Variants in STK38L observed in about 807,000 individuals in gnomAD.
The protein encoded by STK38L is serine/threonine-protein kinase 38-like.
Under a neutral mutation model 59.7 loss-of-function variants are expected in STK38L, and 28 were observed. The observed-to-expected ratio is 0.47, with a 90% confidence interval of 0.35 to 0.64. The LOEUF is 0.64. STK38L is among the 30% of genes least tolerant of loss of function. The pLI, the probability that STK38L is intolerant of heterozygous loss-of-function variation, is 0.01. For synonymous variants in STK38L, 162 were observed against 176.8 expected (o/e 0.92, Z 0.66); for missense variants, 314 against 555.8 (o/e 0.56, Z 4.37).
intron 1 of STK38L, among the ~76,000 whole-genome samples, chr12:27,287,964 C>A (rs1943811752): frequency 6.6e-6 from 1 of 152,196 alleles, no homozygotes; most frequent in South Asian, 2.1e-4. Context: ...CTCACTGCAA[C>A]CTCTGCCTCC....
At chr12:27,299,607 A>G (rs1421280205) in intron 2 of STK38L, among the ~76,000 whole-genome samples, 4 of 152,220 alleles carry the variant, frequency 2.6e-5, no homozygotes, top group Non-Finnish European at 5.9e-5. Context: ...AATATTTTCC[A>G]ACAGCAGAAT....
intron 3 of STK38L, among the ~76,000 whole-genome samples, chr12:27,305,915 T>C (rs1944299370): frequency 6.6e-6 from 1 of 152,234 alleles, no homozygotes; most frequent in African/African-American, 2.4e-5. Flanking sequence ...GGATACTGTT[T>C]GTCTTTCAAG....
chr12:27,290,182 T>G (rs1943865711), intron 1 of STK38L, among the ~76,000 whole-genome samples: 1 of 152,228 alleles, frequency 6.6e-6, no homozygotes, highest in Non-Finnish European at 1.5e-5. Flanking sequence ...TTATCTTAAG[T>G]CTTATATTAT....
intron 1 of STK38L, among the ~76,000 whole-genome samples, chr12:27,290,860 T>C (rs1943881341): frequency 1.3e-5 from 2 of 152,196 alleles, no homozygotes; most frequent in African/African-American, 4.8e-5. Context: ...GATTTTCATG[T>C]GAAACCTTCT....
At position 27,322,485 on chromosome 12, in the gene STK38L, G is replaced by T. The variant is rs1342237711; in HGVS notation, c.*30G>T. On this transcript the variant is annotated 3_prime_UTR_variant, in exon 14 of 14. Transcript: ENST00000389032. ...AGATAACATTCACCCATAACCAAGA[G>T]AACTCAGGTAGCTGCATCACCAGGC... The T allele has an allele frequency of 6.2e-7, 1 of 1,602,116 alleles. No homozygotes were observed. Among genetic ancestry groups the T allele is most frequent in the Admixed American group, 1.8e-5 (1 of 57,050 alleles).
chr12:27,267,781 T>A (rs535737223), intron 1 of STK38L, among the ~76,000 whole-genome samples: 21 of 152,224 alleles, frequency 1.4e-4, no homozygotes, highest in African/African-American at 5.1e-4. Context: ...TGTTAGAGTA[T>A]GAAGTGGTAT....
chr12:27,312,569 AAG>A lies in STK38L; in HGVS notation c.418_419del (p.Asp140TyrfsTer20). The part of the protein sequence containing the change: ...KEQVAHIRAE[R>X]DILVEADGAW... ...TCTAGGTGGCCCATATCCGAGCAGA[AAG>A]AGATATTTTGGTAGAAGCAGATGGT... On this transcript the variant is annotated frameshift_variant, in exon 6 of 14. Transcript: ENST00000389032. LOFTEE classifies it high-confidence loss of function. 1 of 1,614,078 alleles carries A rather than the reference AAG, an allele frequency of 6.2e-7. No homozygotes were observed. The highest frequency in any genetic ancestry group is 8.5e-7 in the Non-Finnish European group (1 of 1,180,014).
intron 1 of STK38L, among the ~76,000 whole-genome samples, chr12:27,276,023 G>T (rs1485815176): frequency 2.6e-5 from 4 of 152,120 alleles, no homozygotes; most frequent in Admixed American, 2.6e-4. Flanking sequence ...CTAACAAATG[G>T]AAATGTGTAC....
Position 27,322,646 on chromosome 12 carries a change from T to C in STK38L, c.*191T>C, listed in dbSNP as rs1040480333. 4.5e-5 allele frequency: 24 copies of C among 537,720 alleles called. No homozygotes were observed. The highest frequency in any genetic ancestry group is 7.0e-5 in the Non-Finnish European group (24 of 341,022). 33.3% of individuals were successfully genotyped at this position (537,720 alleles called of 1,614,324 possible). On this transcript the variant is annotated 3_prime_UTR_variant, in exon 14 of 14. Coordinates refer to ENST00000389032, the MANE Select transcript of STK38L (RefSeq NM_015000.4). ...GGTTGGCAGTGCCAGCTGGCTCTTT[T>C]TTTTAATATTTTATTATTTTTGTTA...
intron 9 of STK38L, among the ~76,000 whole-genome samples, chr12:27,316,264 G>C (rs1288206365): frequency 6.6e-6 from 1 of 152,090 alleles, no homozygotes; most frequent in East Asian, 1.9e-4. Flanking sequence ...TACACATTAA[G>C]GAGAAAAACT....
At chr12:27,263,087 A>G (rs1302257095) in intron 1 of STK38L, among the ~76,000 whole-genome samples, 1 of 152,198 alleles carries the variant, frequency 6.6e-6, no homozygotes, top group Non-Finnish European at 1.5e-5. Flanking sequence ...CACTGTGCCC[A>G]GCCAAGATTG....
At chr12:27,254,595 A>G (rs1194481642) in intron 1 of STK38L, among the ~76,000 whole-genome samples, 1 of 152,214 alleles carries the variant, frequency 6.6e-6, no homozygotes, top group Non-Finnish European at 1.5e-5. Context: ...CAGAATATAA[A>G]GTTGTTTTCT....
chr12:27,300,478 A>G (rs35748160), intron 2 of STK38L: 44,147 of 451,700 alleles, frequency 0.098, 2,439 homozygotes, highest in African/African-American at 0.12. Flanking sequence ...GAAATTTGAC[A>G]GAAGAATAAA....
intron 1 of STK38L, among the ~76,000 whole-genome samples, chr12:27,286,081 C>G (rs531512401): frequency 1.9e-4 from 29 of 152,098 alleles, no homozygotes; most frequent in Non-Finnish European, 3.7e-4. Context: ...TTATTATTCT[C>G]TGATTTGTCT....
chr12:27,258,406 C>G (rs909828772), intron 1 of STK38L, among the ~76,000 whole-genome samples: 7 of 151,940 alleles, frequency 4.6e-5, no homozygotes, highest in African/African-American at 1.7e-4. Context: ...CTCACTGCAA[C>G]TAACTGCCAC....
Position 27,323,265 on chromosome 12 carries a change from A to G in STK38L, c.*810A>G, listed in dbSNP as rs1944772681. 1 of 152,210 alleles carries G rather than the reference A, an allele frequency of 6.6e-6. No homozygotes were observed. The highest frequency in any genetic ancestry group is 2.4e-5 in the African/African-American group (1 of 41,462). The allele number at this position is 152,210 out of a possible 1,614,324, so 9.4% of individuals were successfully genotyped here. On this transcript the variant is annotated 3_prime_UTR_variant, in exon 14 of 14. Transcript: ENST00000389032. ...GACAAGAGAACTTCTTTTTTTAACA[A>G]GAGGACATGGCATTATTTTAATTTG...
chr12:27,303,723 C>T (rs1330397346), intron 3 of STK38L, among the ~76,000 whole-genome samples: 1 of 151,884 alleles, frequency 6.6e-6, no homozygotes, highest in Non-Finnish European at 1.5e-5. Context: ...GAAAATGTTT[C>T]ATAGAAGAAG....
chr12:27,305,248 A>G (rs576540574), intron 3 of STK38L, among the ~76,000 whole-genome samples: 5 of 152,384 alleles, frequency 3.3e-5, no homozygotes, highest in Non-Finnish European at 7.3e-5. Flanking sequence ...TAGGTTGAAT[A>G]TAGTTTGTAG....
chr12:27,299,577 A>T (rs562857418), intron 2 of STK38L, among the ~76,000 whole-genome samples: 6 of 152,346 alleles, frequency 3.9e-5, no homozygotes, highest in African/African-American at 1.4e-4. Context: ...AATATCTTAC[A>T]CATTAAAAAA....
Sources: allele counts gnomAD v4.1 joint callset (sites outside exome capture counted in the v4.1 genomes callset), GRCh38; gene constraint gnomAD v4.1.1; transcripts MANE v1.5; gene names NCBI Gene and HGNC (gene_info 2026-07-23, HGNC 2026-07-21).